RBFOX1: variants seen among roughly 807,000 people sequenced by gnomAD.
The protein encoded by RBFOX1 is RNA binding protein fox-1 homolog 1.
RBFOX1 carries 8 observed loss-of-function variants against 57.7 expected under a neutral mutation model. That is an observed-to-expected ratio of 0.14 (90% CI 0.08 to 0.25). RBFOX1 has a LOEUF of 0.25. Among genes scored for constraint, RBFOX1 ranks in the 10% least tolerant of loss-of-function variants. The pLI, the probability that RBFOX1 is intolerant of heterozygous loss-of-function variation, is 1.00. For synonymous variants in RBFOX1, 326 were observed against 222.4 expected, an observed-to-expected ratio of 1.47 and a Z score of -4.15; for missense variants, 611 against 548.5, an observed-to-expected ratio of 1.11 and a Z score of -1.14.
At chr16:6,087,713 C>G (rs1055799779) in intron 1 of RBFOX1, among the ~76,000 whole-genome samples, 5 of 150,206 alleles carry the variant, frequency 3.3e-5, no homozygotes, top group Non-Finnish European at 7.4e-5. Flanking sequence ...GGTGCCGTGG[C>G]GTGATCTCGG....
At chr16:6,864,252 T>C (rs918283362) in intron 3 of RBFOX1, among the ~76,000 whole-genome samples, 1 of 152,182 alleles carries the variant, frequency 6.6e-6, no homozygotes, top group African/African-American at 2.4e-5. Flanking sequence ...AGCATAACTC[T>C]TCCACATTTA....
intron 1 of RBFOX1, among the ~76,000 whole-genome samples, chr16:6,232,616 C>T (rs1023610448): frequency 6.6e-6 from 1 of 152,140 alleles, no homozygotes; most frequent in Non-Finnish European, 1.5e-5. Context: ...AAAAGTATTT[C>T]TATAGTGTGA....
chr16:6,392,768 G>A (rs910994154), intron 2 of RBFOX1, among the ~76,000 whole-genome samples: 1 of 152,086 alleles, frequency 6.6e-6, no homozygotes, highest in Non-Finnish European at 1.5e-5. Flanking sequence ...TCCTTTGCAG[G>A]AATTAAAAAG....
chr16:5,624,189 T>C (rs1270742010), intron 3 of RBFOX1, among the ~76,000 whole-genome samples: 1 of 152,204 alleles, frequency 6.6e-6, no homozygotes, highest in African/African-American at 2.4e-5. Context: ...TTAGTGACTC[T>C]CCTGCTACCC....
At chr16:5,559,074 G>A (rs1372646418) in intron 2 of RBFOX1, among the ~76,000 whole-genome samples, 4 of 149,496 alleles carry the variant, frequency 2.7e-5, no homozygotes, top group Non-Finnish European at 5.9e-5. Flanking sequence ...GTTTGCCTGA[G>A]GAAACCTGAG....
intron 3 of RBFOX1, among the ~76,000 whole-genome samples, chr16:6,673,761 A>G (rs746156186): frequency 5.2e-4 from 79 of 152,224 alleles, no homozygotes; most frequent in Non-Finnish European, 1.0e-3. Flanking sequence ...ATCATCTGTC[A>G]TGGAGATAAG....
rs112009529 is a variant in RBFOX1 at position 6,406,578 on chromosome 16, A to AT, written c.-64+89535dup. The stretch of plus-strand genomic sequence containing the variant: ...GTAGACCTATTTTTGGAAGTCGAAC[A>AT]TTTTTTTTTTTTTTCATTTTAAGCA... On this transcript the variant is annotated intron_variant, in intron 2 of 15. Transcript: ENST00000550418. Among the ~76,000 whole-genome samples, 2,991 of 140,664 alleles carry AT rather than the reference A, an allele frequency of 0.021. 200 individuals are homozygous for AT. The East Asian group carries it at 0.24, about 11-fold the overall frequency. The allele number at this position is 140,664 out of a possible 152,430, so 92.3% of individuals were successfully genotyped here.
chr16:5,454,981 TTC>T (rs1343466251), intron 1 of RBFOX1, among the ~76,000 whole-genome samples: 1 of 96,378 alleles, frequency 1.0e-5, no homozygotes. Context: ...CTTTCTTTCT[TTC>T]TTTCTTTCTT....
chr16:7,245,785 G>T (rs991503561), intron 4 of RBFOX1, among the ~76,000 whole-genome samples: 2 of 152,144 alleles, frequency 1.3e-5, no homozygotes, highest in East Asian at 1.9e-4. Flanking sequence ...TTGTCCATCA[G>T]TCTTGCATAG....
chr16:6,749,039 G>A (rs956877169), intron 3 of RBFOX1: 12 of 152,144 alleles, frequency 7.9e-5, no homozygotes, highest in African/African-American at 2.9e-4. Flanking sequence ...ATGACAGGAG[G>A]AGCCAATCTG....
At chr16:7,661,366 A>G (rs1366037631) in intron 12 of RBFOX1, among the ~76,000 whole-genome samples, 3 of 152,048 alleles carry the variant, frequency 2.0e-5, no homozygotes, top group Non-Finnish European at 4.4e-5. Context: ...GTTTCCCCCC[A>G]GCCCTCCAAG....
intron 2 of RBFOX1, among the ~76,000 whole-genome samples, chr16:5,591,400 C>T (rs978917371): frequency 2.6e-5 from 4 of 151,970 alleles, no homozygotes; most frequent in Admixed American, 2.6e-4. Flanking sequence ...TACAGGCACC[C>T]ACCACTGTGC....
At chr16:7,124,281 G>T (rs2067878691) in intron 4 of RBFOX1, among the ~76,000 whole-genome samples, 1 of 152,056 alleles carries the variant, frequency 6.6e-6, no homozygotes, top group Non-Finnish European at 1.5e-5. Flanking sequence ...AGGTGTAGTG[G>T]TGTGTGCCTT....
chr16:6,151,330 G>A (rs1469399082), intron 1 of RBFOX1, among the ~76,000 whole-genome samples: 3 of 152,096 alleles, frequency 2.0e-5, no homozygotes, highest in Non-Finnish European at 4.4e-5. Flanking sequence ...CTGTCACCCA[G>A]GCTGGAGTGC....
intron 4 of RBFOX1, among the ~76,000 whole-genome samples, chr16:7,247,910 G>T (rs530569567): frequency 6.6e-6 from 1 of 152,270 alleles, no homozygotes; most frequent in East Asian, 1.9e-4. Context: ...TGGGAGTAGG[G>T]AGAGGATCAG....
chr16:6,198,411 TGAAGCCCACGG>T (rs2097194270), intron 1 of RBFOX1, among the ~76,000 whole-genome samples: 1 of 152,208 alleles, frequency 6.6e-6, no homozygotes, highest in South Asian at 2.1e-4. Flanking sequence ...ACTTTGTGAA[TGAAGCCCACGG>T]GAGACCTTCT....
intron 3 of RBFOX1, among the ~76,000 whole-genome samples, chr16:7,003,289 G>A (rs1057151757): frequency 4.0e-5 from 6 of 151,822 alleles, no homozygotes; most frequent in Admixed American, 1.3e-4. Context: ...TGAAACCCCC[G>A]TCTCTACTAA....
In RBFOX1 at chr16:6,948,249, T is replaced by C. The variant is rs539785735; in HGVS notation, c.-15-103808T>C. On this transcript the variant is annotated intron_variant, in intron 3 of 15. Transcript: ENST00000550418. ...GCATTCAAGACCAGCCTGGGCAATATTATGAGACCATATCTGAAAGAAAAA... is the reference window on the plus strand; with the variant it reads ...GCATTCAAGACCAGCCTGGGCAATACTATGAGACCATATCTGAAAGAAAAA... Among the ~76,000 whole-genome samples, 176 of 152,164 alleles carry C rather than the reference T, an allele frequency of 1.2e-3. 8 individuals carry two copies. The South Asian group carries it at 0.035, about 31-fold the overall frequency.
chr16:5,860,428 A>C (rs1320513364), intron 3 of RBFOX1, among the ~76,000 whole-genome samples: 1 of 152,128 alleles, frequency 6.6e-6, no homozygotes, highest in Non-Finnish European at 1.5e-5. Context: ...TGTGCCTGTG[A>C]AAACAGTCTA....
Sources: gnomAD v4.1 joint callset for allele counts (sites outside exome capture counted in the v4.1 genomes callset) on GRCh38, gnomAD v4.1.1 for gene constraint, MANE v1.5 for transcripts, NCBI Gene and HGNC (gene_info 2026-07-23, HGNC 2026-07-21) for gene names.